Variants in INSR observed in about 807,000 individuals in gnomAD.
The protein encoded by INSR is insulin receptor, also known as IR.
In INSR, 67 loss-of-function variants were observed where a neutral mutation model predicts 142.6. That is an observed-to-expected ratio of 0.47 (90% CI 0.39 to 0.58). INSR has a LOEUF of 0.58. Ranked by LOEUF, INSR falls within the 20% of genes least tolerant of loss-of-function variation. INSR has a pLI of 0.00. For missense variants in INSR, 1,248 were observed against 1,833.2 expected (o/e 0.68, Z 5.83); for synonymous variants, 756 against 743.1 (o/e 1.02, Z -0.28).
chr19:7,132,303 G>A lies in INSR; in HGVS notation c.2697C>T (p.Cys899=), dbSNP rs191340770. Reference sequence around the variant, plus strand: ...CCAGAGCGAAGTGCTTGCGGGAGACGCAGAGATGCAGCTCCTGGGAGGAAG... The same window carrying A: ...CCAGAGCGAAGTGCTTGCGGGAGACACAGAGATGCAGCTCCTGGGAGGAAG... ...RRYGDEELHL[C]VSRKHFALER... Residue 899 remains cysteine, a synonymous_variant, in exon 14 of 22, where the codon TGC becomes TGT. Transcript: ENST00000302850. 4.5e-5 allele frequency: 73 copies of A among 1,614,032 alleles called. No homozygotes were observed. In the East Asian group the frequency reaches 1.3e-3, roughly 30 times the overall value.
Position 7,116,931 on chromosome 19 carries a change from A to T in INSR, c.*125T>A. On this transcript the variant is annotated 3_prime_UTR_variant, in exon 22 of 22. Transcript: ENST00000302850. ...CACCTTAAGATGAACAGAAATGTAT[A>T]GGAACGATCTCTGAACTCCATTGGA... The T allele has an allele frequency of 1.2e-6, 1 of 815,346 alleles. No individual in the cohort carries two copies. Among genetic ancestry groups the T allele is most frequent in the South Asian group, 1.4e-5 (1 of 72,458 alleles). 50.5% of individuals were successfully genotyped at this position (815,346 alleles called of 1,614,324 possible). A position where few individuals can be genotyped will look rare whatever the true frequency, so the allele number is the denominator to read the frequency against.
intron 2 of INSR, among the ~76,000 whole-genome samples, chr19:7,255,313 G>A (rs760711111): frequency 1.1e-4 from 16 of 152,050 alleles, no homozygotes; most frequent in Admixed American, 2.0e-4. Flanking sequence ...AGTATTGGTG[G>A]AAACAGCCCC....
At chr19:7,126,884 TTTTTG>T (rs925286183) in intron 15 of INSR, among the ~76,000 whole-genome samples, 6 of 152,058 alleles carry the variant, frequency 3.9e-5, no homozygotes, top group African/African-American at 1.4e-4. Flanking sequence ...GGTGGTTTTT[TTTTTG>T]TTTTGTTTTT....
At chr19:7,176,028 G>T (rs1454166195) in intron 3 of INSR, among the ~76,000 whole-genome samples, 2 of 152,138 alleles carry the variant, frequency 1.3e-5, no homozygotes, top group East Asian at 1.9e-4. Flanking sequence ...ACTCCTGCTG[G>T]ACCCCACAGT....
chr19:7,245,825 G>A (rs1412016320), intron 2 of INSR, among the ~76,000 whole-genome samples: 1 of 152,082 alleles, frequency 6.6e-6, no homozygotes, highest in African/African-American at 2.4e-5. Flanking sequence ...AAACAGTATG[G>A]TACTGGGATA....
At chr19:7,204,828 C>T (rs1171369120) in intron 2 of INSR, among the ~76,000 whole-genome samples, 9 of 152,252 alleles carry the variant, frequency 5.9e-5, no homozygotes, top group Non-Finnish European at 1.3e-4. Flanking sequence ...CGCCTGTAAT[C>T]CCAGCACTTT....
At chr19:7,289,836 G>T (rs1968445175) in intron 1 of INSR, among the ~76,000 whole-genome samples, 2 of 152,142 alleles carry the variant, frequency 1.3e-5, no homozygotes, top group African/African-American at 4.8e-5. Flanking sequence ...GTCATGCCTG[G>T]GGGGAAGGGG....
chr19:7,183,143 A>T (rs181896435), intron 3 of INSR, among the ~76,000 whole-genome samples: 1 of 152,106 alleles, frequency 6.6e-6, no homozygotes, highest in East Asian at 1.9e-4. Context: ...ACAATTTCCC[A>T]CCCCAACACT....
intron 8 of INSR, among the ~76,000 whole-genome samples, chr19:7,164,826 CAAAAAAAAAAAA>C (rs35639305): frequency 4.3e-5 from 2 of 46,026 alleles, no homozygotes; most frequent in Non-Finnish European, 7.3e-5. Context: ...AACTCCATCT[CAAAAAAAAAAAA>C]AAAAAAAAAA....
At chr19:7,153,172 CCACAAA>C (rs1372071484) in intron 9 of INSR, among the ~76,000 whole-genome samples, 2 of 132,832 alleles carry the variant, frequency 1.5e-5, no homozygotes, top group Admixed American at 7.8e-5. Flanking sequence ...CATACACACA[CCACAAA>C]CACACAACCA....
chr19:7,128,214 C>CT (rs781350558), intron 15 of INSR, among the ~76,000 whole-genome samples: 116 of 143,690 alleles, frequency 8.1e-4, no homozygotes, highest in Non-Finnish European at 6.8e-4. Context: ...TTTTGTCCTA[C>CT]TTTTTTTTTT....
At chr19:7,167,574 C>CAA (rs34670852) in intron 7 of INSR, among the ~76,000 whole-genome samples, 152 of 123,470 alleles carry the variant, frequency 1.2e-3, no homozygotes, top group South Asian at 1.7e-3. Flanking sequence ...GACTCTGTCT[C>CAA]AAAAAAAAAA....
chr19:7,221,430 T>C lies in INSR; in HGVS notation c.653-36793A>G, dbSNP rs567706734. Among the ~76,000 whole-genome samples, 34 of 123,936 alleles carry C rather than the reference T, an allele frequency of 2.7e-4. No homozygotes were observed. In the South Asian group the frequency reaches 3.6e-3, roughly 13 times the overall value. 81.3% of individuals were successfully genotyped at this position (123,936 alleles called of 152,430 possible). A position where few individuals can be genotyped will look rare whatever the true frequency, so the allele number is the denominator to read the frequency against. On this transcript the variant is annotated intron_variant, in intron 2 of 21. Transcript: ENST00000302850. Reference sequence around the variant, plus strand: ...GAAAGAAGAAGAAGAAGAAGAAGGCTGGGCGCAGTGGCCACGCCTGTAATC... The same window carrying C: ...GAAAGAAGAAGAAGAAGAAGAAGGCCGGGCGCAGTGGCCACGCCTGTAATC...
At chr19:7,198,975 C>T (rs1016661553) in intron 2 of INSR, among the ~76,000 whole-genome samples, 1 of 151,960 alleles carries the variant, frequency 6.6e-6, no homozygotes, top group Non-Finnish European at 1.5e-5. Flanking sequence ...CCTCAAACTC[C>T]TGGGCTCAAG....
At chr19:7,260,295 T>C (rs761310172) in intron 2 of INSR, among the ~76,000 whole-genome samples, 2 of 152,084 alleles carry the variant, frequency 1.3e-5, no homozygotes, top group African/African-American at 2.4e-5. Flanking sequence ...CGGGTTGGTT[T>C]CCCCTGGCAC....
intron 2 of INSR, among the ~76,000 whole-genome samples, chr19:7,197,073 G>A (rs1599989161): frequency 1.3e-5 from 2 of 152,182 alleles, no homozygotes; most frequent in Non-Finnish European, 2.9e-5. Context: ...CAGGGGTTGG[G>A]GGCAGCCAAG....
At chr19:7,163,794 G>A (rs187361085) in intron 8 of INSR, among the ~76,000 whole-genome samples, 3 of 151,236 alleles carry the variant, frequency 2.0e-5, no homozygotes, top group Admixed American at 6.6e-5. Flanking sequence ...GTTTGAATTC[G>A]AGGCCAGGCA....
intron 2 of INSR, among the ~76,000 whole-genome samples, chr19:7,245,306 A>G (rs906272376): frequency 1.3e-5 from 2 of 152,122 alleles, no homozygotes; most frequent in Non-Finnish European, 1.5e-5. Flanking sequence ...ACACTCTTCT[A>G]AAAGGTGTAA....
At chr19:7,197,321 A>AGAAT (rs1555749902) in intron 2 of INSR, among the ~76,000 whole-genome samples, 2 of 151,324 alleles carry the variant, frequency 1.3e-5, no homozygotes, top group Non-Finnish European at 3.0e-5. Context: ...CTTCGGAGAG[A>AGAAT]GAGTGAGTGA....
Sources: gnomAD v4.1 joint callset for allele counts (sites outside exome capture counted in the v4.1 genomes callset) on GRCh38, gnomAD v4.1.1 for gene constraint, MANE v1.5 for transcripts, NCBI Gene and HGNC (gene_info 2026-07-23, HGNC 2026-07-21) for gene names.